The following STXBP5L variants were observed in gnomAD, a reference collection of about 807,000 sequenced individuals.
The protein encoded by STXBP5L is syntaxin binding protein 5L.
In STXBP5L, 65 loss-of-function variants were observed where a neutral mutation model predicts 144.5. The ratio of observed to expected loss-of-function variants is 0.45; its 90% CI spans 0.37 to 0.55. The LOEUF is 0.55. Ranked by LOEUF, STXBP5L falls within the 20% of genes least tolerant of loss-of-function variation. The pLI is 0.00. For missense variants in STXBP5L, 1,298 were observed against 1,405.5 expected (o/e 0.92, Z 1.22); for synonymous variants, 505 against 469.6 (o/e 1.08, Z -0.97).
intron 22 of STXBP5L, among the ~76,000 whole-genome samples, chr3:121,389,813 G>T (rs2046529162): frequency 6.6e-6 from 1 of 152,142 alleles, no homozygotes; most frequent in African/African-American, 2.4e-5. Flanking sequence ...CAATTATGTG[G>T]TCAATTTTGG....
intron 9 of STXBP5L, among the ~76,000 whole-genome samples, chr3:121,188,634 G>A (rs911514459): frequency 6.6e-6 from 1 of 152,090 alleles, no homozygotes; most frequent in African/African-American, 2.4e-5. Flanking sequence ...TTCATCCCTG[G>A]GATGCAAGGC....
intron 5 of STXBP5L, among the ~76,000 whole-genome samples, chr3:121,073,947 C>A (rs567535542): frequency 3.3e-5 from 5 of 152,278 alleles, no homozygotes; most frequent in African/African-American, 1.2e-4. Context: ...GTGCCTTTTT[C>A]CTTAGACACC....
intron 5 of STXBP5L, among the ~76,000 whole-genome samples, chr3:121,106,242 A>C (rs1402956481): frequency 1.3e-5 from 2 of 152,160 alleles, no homozygotes; most frequent in East Asian, 3.9e-4. Flanking sequence ...GGGACAATAC[A>C]TTTTTAAAAA....
chr3:121,041,678 T>A lies in STXBP5L; in HGVS notation c.288-22T>A, dbSNP rs372857714. The A allele has an allele frequency of 3.2e-6, 5 of 1,570,824 alleles. No individual in the cohort carries two copies. In the African/African-American group the frequency reaches 6.8e-5, roughly 21 times the overall value. On this transcript the variant is annotated intron_variant, in intron 3 of 26. Coordinates refer to ENST00000471454, the MANE Select transcript of STXBP5L (RefSeq NM_001308330.2). ...ATTGGTGCTAATTAAAATGTTAGAATCCTTGACTTTTATTATATTAGACTC... is the reference window on the plus strand; with the variant it reads ...ATTGGTGCTAATTAAAATGTTAGAAACCTTGACTTTTATTATATTAGACTC...
rs778688180 is a variant in STXBP5L at position 121,413,337 on chromosome 3, T to C, written c.3114+14T>C. 1 of 1,508,084 alleles carries C rather than the reference T, an allele frequency of 6.6e-7. No homozygotes were observed. Among genetic ancestry groups the C allele is most frequent in the South Asian group, 1.4e-5 (1 of 72,542 alleles). 93.4% of individuals were successfully genotyped at this position (1,508,084 alleles called of 1,614,324 possible). ...GATAATCTACAGGTAGGTCAGGAGT[T>C]ACATTTATGAAAAAGACATTGGACA... On this transcript the variant is annotated intron_variant, in intron 24 of 26. Transcript: ENST00000471454.
At chr3:120,966,240 G>A (rs1173133536) in intron 3 of STXBP5L, among the ~76,000 whole-genome samples, 2 of 152,080 alleles carry the variant, frequency 1.3e-5, no homozygotes, top group Non-Finnish European at 2.9e-5. Context: ...CCTTTAGCTC[G>A]GAGAAGTTTG....
intron 3 of STXBP5L, among the ~76,000 whole-genome samples, chr3:120,990,108 A>C (rs1942689759): frequency 6.6e-6 from 1 of 152,194 alleles, no homozygotes; most frequent in Non-Finnish European, 1.5e-5. Context: ...ACTTCAGCAA[A>C]GTCTCAGGAT....
intron 9 of STXBP5L, among the ~76,000 whole-genome samples, chr3:121,192,143 C>T (rs1350469328): frequency 6.6e-6 from 1 of 152,130 alleles, no homozygotes. Flanking sequence ...GATTCAAAAT[C>T]AATGTGCAAA....
At chr3:121,106,520 T>A (rs1041202382) in intron 5 of STXBP5L, among the ~76,000 whole-genome samples, 6 of 152,202 alleles carry the variant, frequency 3.9e-5, no homozygotes, top group African/African-American at 1.4e-4. Context: ...CCTGTGTTAG[T>A]TTGCTGAGGA....
At chr3:121,198,172 T>C (rs1218002289) in intron 9 of STXBP5L, among the ~76,000 whole-genome samples, 1 of 152,138 alleles carries the variant, frequency 6.6e-6, no homozygotes, top group East Asian at 1.9e-4. Flanking sequence ...TTCCTGACTC[T>C]TTAATAGCCA....
At chr3:121,092,354 C>A (rs926051127) in intron 5 of STXBP5L, among the ~76,000 whole-genome samples, 1 of 152,040 alleles carries the variant, frequency 6.6e-6, no homozygotes, top group Non-Finnish European at 1.5e-5. Flanking sequence ...CTATAAATTA[C>A]CTTGGGCAGT....
At chr3:120,939,744 A>G (rs1337807690) in intron 2 of STXBP5L, among the ~76,000 whole-genome samples, 1 of 152,182 alleles carries the variant, frequency 6.6e-6, no homozygotes, top group Non-Finnish European at 1.5e-5. Context: ...GAAATACACT[A>G]TTACTGAGAA....
At chr3:121,002,250 G>A (rs1159822578) in intron 3 of STXBP5L, among the ~76,000 whole-genome samples, 3 of 151,108 alleles carry the variant, frequency 2.0e-5, no homozygotes, top group East Asian at 3.9e-4. Flanking sequence ...CATTCTAATC[G>A]ATGTGAGATA....
rs532808736 is a variant in STXBP5L at position 121,336,486 on chromosome 3, C to G, written c.2176+17946C>G. Among the ~76,000 whole-genome samples, 9 of 152,102 alleles carry G rather than the reference C, an allele frequency of 5.9e-5. No homozygotes were observed. The East Asian group carries it at 1.2e-3, about 20-fold the overall frequency. ...CACCCCAGCCTGGGCGTCAGCAAGA[C>G]CCTGTCTCAAAAAAACCAGCCAACC... On this transcript the variant is annotated intron_variant, in intron 20 of 26. Coordinates refer to ENST00000471454, the MANE Select transcript of STXBP5L (RefSeq NM_001308330.2).
intron 9 of STXBP5L, among the ~76,000 whole-genome samples, chr3:121,181,232 C>A (rs2047139775): frequency 6.6e-6 from 1 of 151,636 alleles, no homozygotes; most frequent in Non-Finnish European, 1.5e-5. Context: ...ATGTAAATGG[C>A]CTGAACCTGG....
intron 22 of STXBP5L, among the ~76,000 whole-genome samples, chr3:121,387,636 T>C (rs2108695270): frequency 6.6e-6 from 1 of 152,364 alleles, no homozygotes; most frequent in Non-Finnish European, 1.5e-5. Context: ...TAGCCAGTTT[T>C]CCCAGAACCA....
rs578030649 is a variant in STXBP5L, at chr3:121,119,620, G to T, written c.606-2021G>T. ...TAAAGAATTTTTTTTGTAATTTTCAGAATCCAAAGTCCACAGATGCTTTTT... is the reference window on the plus strand; with the variant it reads ...TAAAGAATTTTTTTTGTAATTTTCATAATCCAAAGTCCACAGATGCTTTTT... On this transcript the variant is annotated intron_variant, in intron 6 of 26. Transcript: ENST00000471454. Among the ~76,000 whole-genome samples, 17 of 151,206 alleles carry T rather than the reference G, an allele frequency of 1.1e-4. No homozygotes were observed. The South Asian group carries it at 3.5e-3, about 31-fold the overall frequency.
chr3:120,998,575 G>A (rs992441344), intron 3 of STXBP5L, among the ~76,000 whole-genome samples: 1 of 151,990 alleles, frequency 6.6e-6, no homozygotes, highest in East Asian at 1.9e-4. Flanking sequence ...ATATTCCCCT[G>A]CCTGTGTCCA....
intron 2 of STXBP5L, among the ~76,000 whole-genome samples, chr3:120,933,988 C>T (rs891401991): frequency 2.0e-5 from 3 of 151,414 alleles, no homozygotes; most frequent in Admixed American, 2.0e-4. Context: ...TCATTTTCTT[C>T]TTGTAACTTC....
Sources: allele counts gnomAD v4.1 joint callset (sites outside exome capture counted in the v4.1 genomes callset), GRCh38; gene constraint gnomAD v4.1.1; transcripts MANE v1.5; gene names NCBI Gene and HGNC (gene_info 2026-07-23, HGNC 2026-07-21).